CORO1A: variants seen among roughly 807,000 people sequenced by gnomAD.
CORO1A encodes coronin 1A, also known as coronin-1A.
CORO1A carries 17 observed loss-of-function variants against 44.1 expected under a neutral mutation model. The ratio of observed to expected loss-of-function variants is 0.39; its 90% CI spans 0.26 to 0.58. CORO1A has a LOEUF of 0.58. CORO1A is among the 20% of genes least tolerant of loss of function. The pLI is 0.62. For synonymous variants in CORO1A, 271 were observed against 244.2 expected (o/e 1.11, Z -1.02); for missense variants, 415 against 606.5 (o/e 0.68, Z 3.32).
intron 6 of CORO1A, 95 bp from the exon 7 acceptor site, chr16:30,187,630 T>A: frequency 6.7e-7 from 1 of 1,484,980 alleles, no homozygotes; most frequent in Admixed American, 1.8e-5. Context: ...AGATGGTTGT[T>A]CCCACTGGTT....
At chr16:30,187,865 G>GGCC in intron 7 of CORO1A, 36 bp downstream of exon 7, 1 of 513,270 alleles carries the variant, frequency 1.9e-6, no homozygotes, top group Non-Finnish European at 3.6e-6. Flanking sequence ...TGGGAGGTGG[G>GGCC]CAGGATGGGC....
intron 2 of CORO1A, chr16:30,185,736 G>A (rs2073325933): frequency 5.1e-6 from 2 of 391,216 alleles, no homozygotes; most frequent in African/African-American, 2.0e-5. Context: ...GGGTCTGGGG[G>A]CCCTGGCAGC....
At position 30,187,217 on chromosome 16, in the gene CORO1A, C is replaced by G. The variant is rs139989282; in HGVS notation, c.630C>G (p.Val210=). 6.8e-6 allele frequency: 11 copies of G among 1,612,238 alleles called. 1 individual carries two copies. Among genetic ancestry groups the G allele is most frequent in the South Asian group, 1.1e-5 (1 of 91,088 alleles). Residue 210 remains valine, a synonymous_variant, in exon 5 of 11, where the codon GTC becomes GTG. Transcript: ENST00000219150. The part of the protein sequence containing the change: ...VRIIEPRKGT[V]VAEKDRPHEG... Reference sequence around the variant, plus strand: ...TCATCGAGCCCCGCAAAGGCACTGTCGTAGCTGTGAGTCGCCATCTACCCT... The same window carrying G: ...TCATCGAGCCCCGCAAAGGCACTGTGGTAGCTGTGAGTCGCCATCTACCCT...
intron 1 of CORO1A, 104 bp from the exon 2 acceptor site, chr16:30,185,105 G>A: frequency 1.8e-6 from 2 of 1,122,482 alleles, no homozygotes; most frequent in Non-Finnish European, 2.7e-6. Flanking sequence ...GATGATGCTG[G>A]GACCTTAAAA....
chr16:30,186,744 G>A lies in CORO1A; in HGVS notation c.321+24G>A, dbSNP rs1223955538. ...TGGTGAGTGGTGGTGGGGACCCAGG[G>A]GCTGGGAGAGGGGCTCTAGGATGGG... On this transcript the variant is annotated intron_variant, in intron 3 of 10. Coordinates refer to ENST00000219150, the MANE Select transcript of CORO1A (RefSeq NM_007074.4). 1.9e-6 allele frequency: 3 copies of A among 1,610,400 alleles called. No individual in the cohort carries two copies. The East Asian group carries it at 6.7e-5, about 36-fold the overall frequency.
At position 30,187,144 on chromosome 16, in the gene CORO1A, G is replaced by A. The variant is rs148312916; in HGVS notation, c.557G>A (p.Arg186Gln). The change falls in exon 5 of 11, where the codon CGA becomes CAA. Residue 186 changes from arginine to glutamine, a missense_variant. Transcript: ENST00000219150. ...ACGATCTACAGTGTGGACTGGAGCC[G>A]AGATGGAGGCCTCATTTGTACCTCC... ...PDTIYSVDWS[R>Q]DGGLICTSCR... 5.5e-5 allele frequency: 88 copies of A among 1,613,932 alleles called. No individual in the cohort carries two copies. Among genetic ancestry groups the A allele is most frequent in the Non-Finnish European group, 6.5e-5 (77 of 1,180,018 alleles).
chr16:30,186,543 G>A, intron 2 of CORO1A, 55 bp from the exon 3 acceptor site: 4 of 1,608,462 alleles, frequency 2.5e-6, no homozygotes, highest in East Asian at 2.2e-5. Flanking sequence ...GGTGTGGGGA[G>A]GTTGGATTGG....
In CORO1A at chr16:30,187,844, CGGGGTGGGGGTGG is replaced by C; in HGVS notation, c.861+17_861+29del. ...TCTGTGGCAAGGTGGCCTCGTCGGG[CGGGGTGGGGGTGG>C]GAGGTGGGCAGGATGGGCCTGGAGA... On this transcript the variant is annotated intron_variant, in intron 7 of 10. Transcript: ENST00000219150. 1 of 83,440 alleles carries C rather than the reference CGGGGTGGGGGTGG, an allele frequency of 1.2e-5. No individual in the cohort carries two copies. The highest frequency in any genetic ancestry group is 1.9e-5 in the Non-Finnish European group (1 of 51,410). 5.2% of individuals were successfully genotyped at this position (83,440 alleles called of 1,614,324 possible).
At chr16:30,186,229 C>A in intron 2 of CORO1A, 1 of 351,622 alleles carries the variant, frequency 2.8e-6, no homozygotes, top group South Asian at 2.3e-5. Flanking sequence ...CTCCACCCCC[C>A]CAGCCCCCAT....
At chr16:30,186,231 A>C (rs1323417582) in intron 2 of CORO1A, 2 of 346,500 alleles carry the variant, frequency 5.8e-6, no homozygotes, top group Non-Finnish European at 1.1e-5. Flanking sequence ...CCACCCCCCC[A>C]GCCCCCATAC....
At position 30,186,943 on chromosome 16, in the gene CORO1A, C is replaced by T; in HGVS notation, c.449C>T (p.Ala150Val). Residue 150 changes from alanine (A) to valine (V), a missense_variant and splice_region_variant, in exon 4 of 11, where the codon GCA (alanine) becomes GTA (valine). Physicochemically the swap from Ala to Val is moderately conservative, Grantham distance 64. Coordinates refer to ENST00000219150, the MANE Select transcript of CORO1A (RefSeq NM_007074.4). The part of the protein sequence containing the change: ...HTTAQNVLLS[A>V]GCDNVIMVWD... ...ACAGCCCAGAACGTGCTGCTCAGTG[C>T]AGGTGCTGCGGGAGGAGGGGCTTGG... 2 of 1,612,800 alleles carry T rather than the reference C, an allele frequency of 1.2e-6. No homozygotes were observed. Among genetic ancestry groups the T allele is most frequent in the South Asian group, 2.2e-5 (2 of 91,080 alleles).
At chr16:30,186,999 C>A (rs1441871744) in intron 4 of CORO1A, 40 bp from the exon 5 acceptor site, 25 of 1,613,260 alleles carry the variant, frequency 1.5e-5, no homozygotes, top group Non-Finnish European at 2.1e-5. Context: ...TGGATGAGGG[C>A]AGGAGGCTCA....
At chr16:30,185,456 G>A (rs766061395) in intron 2 of CORO1A, 49 bp downstream of exon 2, 1 of 1,548,516 alleles carries the variant, frequency 6.5e-7, no homozygotes, top group East Asian at 2.3e-5. Flanking sequence ...CGGACCCATG[G>A]CTCTGTGCAG....
chr16:30,186,470 C>G, intron 2 of CORO1A, 128 bp from the exon 3 acceptor site: 1 of 1,186,206 alleles, frequency 8.4e-7, no homozygotes, highest in Non-Finnish European at 1.2e-6. Flanking sequence ...CCCGTCCCCA[C>G]CCCAGGCCCT....
intron 2 of CORO1A, chr16:30,185,645 A>T: frequency 1.7e-6 from 1 of 581,570 alleles, no homozygotes; most frequent in South Asian, 2.1e-5. Flanking sequence ...GACTACAGAC[A>T]GTCCTGCAGA....
chr16:30,188,059 C>T lies in CORO1A; in HGVS notation c.979C>T (p.Leu327=). The T allele has an allele frequency of 1.2e-6, 2 of 1,613,920 alleles. No individual in the cohort carries two copies. The highest frequency in any genetic ancestry group is 1.7e-6 in the Non-Finnish European group (2 of 1,180,026). The change falls in exon 8 of 11, where the codon CTG becomes TTG. Residue 327 remains leucine (L), a synonymous_variant. Transcript: ENST00000219150. Reference sequence around the variant, plus strand: ...CATGGGCTACATGCCCAAACGTGGCCTGGAGGTGAACAAGTGTGAGATCGC... The same window carrying T: ...CATGGGCTACATGCCCAAACGTGGCTTGGAGGTGAACAAGTGTGAGATCGC... The part of the protein sequence containing the change: ...RGMGYMPKRG[L]EVNKCEIARF...
rs1339817931 is a variant in CORO1A at position 30,187,059 on chromosome 16, G to A, written c.472G>A (p.Val158Met). The A allele has an allele frequency of 1.9e-6, 3 of 1,613,992 alleles. No individual in the cohort carries two copies. Among genetic ancestry groups the A allele is most frequent in the Admixed American group, 1.7e-5 (1 of 59,998 alleles). The change falls in exon 5 of 11, where the codon GTG (valine) becomes ATG (methionine). Residue 158 changes from valine (V) to methionine (M), a missense_variant. Val to Met is a conservative substitution (Grantham distance 21). Around this residue, in one of 2 missense-constraint regions of CORO1A, gnomAD observed 325 missense variants for 521.7 expected, o/e 0.62. Transcript: ENST00000219150. Reference sequence around the variant, plus strand: ...TGCAGGTTGTGACAACGTGATCATGGTGTGGGACGTGGGCACTGGGGCGGC... The same window carrying A: ...TGCAGGTTGTGACAACGTGATCATGATGTGGGACGTGGGCACTGGGGCGGC... Reference protein sequence around the residue: ...LSAGCDNVIMVWDVGTGAAML... With the variant: ...LSAGCDNVIMMWDVGTGAAML...
At chr16:30,186,457 G>GC in intron 2 of CORO1A, 141 bp from the exon 3 acceptor site, 1 of 912,042 alleles carries the variant, frequency 1.1e-6, no homozygotes, top group Non-Finnish European at 1.8e-6. Flanking sequence ...AGAACAACCC[G>GC]CCCCCGTCCC....
At position 30,188,487 on chromosome 16, in the gene CORO1A, C is replaced by A. The variant is rs2073374467; in HGVS notation, c.1192C>A (p.Pro398Thr). 3 of 1,613,234 alleles carry A rather than the reference C, an allele frequency of 1.9e-6. No individual in the cohort carries two copies. The highest frequency in any genetic ancestry group is 2.5e-6 in the Non-Finnish European group (3 of 1,179,960). Reference sequence around the variant, plus strand: ...CATCTCCCTCAAGGATGGCTACGTACCCCCAAAGAGCCGGGAGCTGAGGGT... The same window carrying A: ...CATCTCCCTCAAGGATGGCTACGTAACCCCAAAGAGCCGGGAGCTGAGGGT... ...LLISLKDGYV[P>T]PKSRELRVNR... The change falls in exon 10 of 11, where the codon CCC (proline) becomes ACC (threonine). Residue 398 changes from proline (P) to threonine (T), a missense_variant. Physicochemically the swap from Pro to Thr is conservative, Grantham distance 38. Coordinates refer to ENST00000219150, the MANE Select transcript of CORO1A (RefSeq NM_007074.4).
Sources: gnomAD v4.1 joint callset for allele counts on GRCh38, gnomAD v4.1.1 for gene constraint, gnomAD v4.1.1 regional missense constraint, MANE v1.5 for transcripts, NCBI Gene and HGNC (gene_info 2026-07-23, HGNC 2026-07-21) for gene names.